The following MEIS1 variants were observed in gnomAD, a reference collection of about 807,000 sequenced individuals.
MEIS1 encodes homeobox protein Meis1.
MEIS1 carries 5 observed loss-of-function variants against 50.8 expected under a neutral mutation model. That is an observed-to-expected ratio of 0.10 (90% CI 0.05 to 0.21). MEIS1 has a LOEUF of 0.21. Ranked by LOEUF, MEIS1 falls within the 10% of genes least tolerant of loss-of-function variation. The probability of loss-of-function intolerance (pLI) is 1.00; values close to 1 mark genes in which losing one functional copy is unlikely to be tolerated. For missense variants in MEIS1, 318 were observed against 517.3 expected, an observed-to-expected ratio of 0.61 and a Z score of 3.74; for synonymous variants, 176 against 179.3, an observed-to-expected ratio of 0.98 and a Z score of 0.15.
chr2:66,493,934 T>C (rs1351472754), intron 7 of MEIS1, among the ~76,000 whole-genome samples: 2 of 152,346 alleles, frequency 1.3e-5, no homozygotes, highest in East Asian at 3.9e-4. Flanking sequence ...GAGTGATCTG[T>C]CTGTATTTCA....
At chr2:66,528,945 A>T (rs1488556836) in intron 8 of MEIS1, among the ~76,000 whole-genome samples, 1 of 152,104 alleles carries the variant, frequency 6.6e-6, no homozygotes, top group Non-Finnish European at 1.5e-5. Context: ...AGCCAAGCTG[A>T]GGGCTTACAG....
At chr2:66,509,384 A>G (rs779639346) in intron 7 of MEIS1, among the ~76,000 whole-genome samples, 2 of 152,342 alleles carry the variant, frequency 1.3e-5, no homozygotes, top group East Asian at 1.9e-4. Context: ...TTTGCTTCCA[A>G]TGAAAATCTT....
chr2:66,569,408 G>T, intron 12 of MEIS1: 1 of 234,436 alleles, frequency 4.3e-6, no homozygotes, highest in South Asian at 8.5e-5. Context: ...AGGAGGTGGG[G>T]GAGTGGGTTG....
chr2:66,532,251 G>A (rs769194129), intron 8 of MEIS1, among the ~76,000 whole-genome samples: 1 of 151,886 alleles, frequency 6.6e-6, no homozygotes, highest in Non-Finnish European at 1.5e-5. Flanking sequence ...GCAGATTTTT[G>A]AACAGGGAAA....
intron 8 of MEIS1, 22 bp from the exon 9 acceptor site, chr2:66,547,921 T>A: frequency 6.2e-7 from 1 of 1,612,236 alleles, no homozygotes; most frequent in Non-Finnish European, 8.5e-7. Context: ...GATGCACACG[T>A]ATCTTTTTTA....
chr2:66,511,302 G>A (rs1254097130), intron 7 of MEIS1, among the ~76,000 whole-genome samples: 1 of 151,990 alleles, frequency 6.6e-6, no homozygotes, highest in Non-Finnish European at 1.5e-5. Flanking sequence ...ATTTCATTAT[G>A]TCACAGAGCC....
At chr2:66,532,220 A>G (rs961470327) in intron 8 of MEIS1, among the ~76,000 whole-genome samples, 1 of 152,168 alleles carries the variant, frequency 6.6e-6, no homozygotes, top group African/African-American at 2.4e-5. Context: ...TCGATTCTCT[A>G]CAAAATATTA....
At chr2:66,454,973 A>G (rs1672356176) in intron 6 of MEIS1, among the ~76,000 whole-genome samples, 1 of 152,184 alleles carries the variant, frequency 6.6e-6, no homozygotes, top group East Asian at 1.9e-4. Flanking sequence ...TCAGCCAAAC[A>G]TTTAACTCTA....
intron 12 of MEIS1, chr2:66,570,262 T>G (rs1339576676): frequency 6.6e-6 from 1 of 152,176 alleles, no homozygotes; most frequent in Non-Finnish European, 1.5e-5. Flanking sequence ...ATTCTCTAGC[T>G]TAGTTAATTT....
chr2:66,569,150 G>A lies in MEIS1; in HGVS notation c.*37+5G>A. 1 of 1,604,248 alleles carries A rather than the reference G, an allele frequency of 6.2e-7. No individual in the cohort carries two copies. The highest frequency in any genetic ancestry group is 8.5e-7 in the Non-Finnish European group (1 of 1,175,520). On this transcript the variant is annotated splice_donor_5th_base_variant and intron_variant, in intron 12 of 12. Coordinates refer to ENST00000272369, the MANE Select transcript of MEIS1 (RefSeq NM_002398.3). Reference sequence around the variant, plus strand: ...CAATCGCAAAGCAAGGGGGAAGTAAGTACAAATGGGGTCTTTGTTTTCACT... The same window carrying A: ...CAATCGCAAAGCAAGGGGGAAGTAAATACAAATGGGGTCTTTGTTTTCACT...
chr2:66,530,196 C>CA (rs5831814), intron 8 of MEIS1, among the ~76,000 whole-genome samples: 32,001 of 122,588 alleles, frequency 0.26, 3,579 homozygotes, highest in East Asian at 0.34. Flanking sequence ...GTAGGCAAAG[C>CA]AAAAAAAAAA....
intron 9 of MEIS1, among the ~76,000 whole-genome samples, chr2:66,564,267 T>C (rs1675284965): frequency 6.6e-6 from 1 of 152,156 alleles, no homozygotes; most frequent in East Asian, 1.9e-4. Flanking sequence ...ATTCTAGGGG[T>C]AGCTGACATC....
intron 6 of MEIS1, among the ~76,000 whole-genome samples, chr2:66,453,821 G>T (rs1329420262): frequency 1.3e-5 from 2 of 151,834 alleles, no homozygotes; most frequent in Admixed American, 1.3e-4. Context: ...ACTATATCTT[G>T]GCTGAATTTT....
intron 1 of MEIS1, chr2:66,436,875 T>TG (rs1671810139): frequency 5.2e-6 from 5 of 968,300 alleles, no homozygotes; most frequent in Non-Finnish European, 6.1e-6. Context: ...GAAAGTAGTT[T>TG]TTTTTTTTTT....
chr2:66,451,281 G>C (rs1672270844), intron 6 of MEIS1, among the ~76,000 whole-genome samples: 1 of 151,922 alleles, frequency 6.6e-6, no homozygotes, highest in Non-Finnish European at 1.5e-5. Flanking sequence ...GTCCATACTT[G>C]GTCCCAGACC....
chr2:66,569,055 A>G lies in MEIS1; in HGVS notation c.1120A>G (p.Met374Val), dbSNP rs373920993. The change falls in exon 12 of 13, where the codon ATG becomes GTG. Residue 374 changes from methionine (M) to valine (V), a missense_variant. By Grantham distance (21) the Met-to-Val change is conservative. This residue lies in a region of MEIS1 where 54 missense variants were observed against 75.0 expected (regional missense o/e 0.72). Transcript: ENST00000272369. ...GATTTTTATCTCCCTTCTAGGACCT[A>G]TGAGTGGAATGGGCATGAATATGGG... ...QHMGIRAPGP[M>V]SGMGMNMGME... 16 of 1,613,452 alleles carry G rather than the reference A, an allele frequency of 9.9e-6. No individual in the cohort carries two copies. The African/African-American group carries it at 1.5e-4, about 15-fold the overall frequency.
chr2:66,492,947 C>A (rs973377412), intron 7 of MEIS1, among the ~76,000 whole-genome samples: 9 of 152,146 alleles, frequency 5.9e-5, no homozygotes, highest in African/African-American at 2.2e-4. Context: ...AGCACCCATG[C>A]CCACACAGGT....
At chr2:66,473,576 A>G (rs1672820467) in intron 7 of MEIS1, among the ~76,000 whole-genome samples, 1 of 151,896 alleles carries the variant, frequency 6.6e-6, no homozygotes, top group Admixed American at 6.6e-5. Context: ...GTTGGGAACA[A>G]AGTTACAGGT....
intron 8 of MEIS1, among the ~76,000 whole-genome samples, chr2:66,544,477 T>C (rs767322422): frequency 1.3e-5 from 2 of 152,166 alleles, no homozygotes; most frequent in Non-Finnish European, 2.9e-5. Flanking sequence ...ATTGAAAGTT[T>C]GTGGGACACT....
Sources: allele counts gnomAD v4.1 joint callset (sites outside exome capture counted in the v4.1 genomes callset), GRCh38; gene constraint gnomAD v4.1.1; regional missense constraint gnomAD v4.1.1; transcripts MANE v1.5; gene names NCBI Gene and HGNC (gene_info 2026-07-23, HGNC 2026-07-21).